Variants in DHRSX observed in about 807,000 individuals in gnomAD.
DHRSX encodes the protein dehydrogenase/reductase X-linked.
In DHRSX, 31 loss-of-function variants were observed where a neutral mutation model predicts 34.0. That is an observed-to-expected ratio of 0.91 (90% CI 0.69 to 1.23). DHRSX has a LOEUF of 1.23. DHRSX is among the 50% of genes most tolerant of loss of function. The probability of loss-of-function intolerance (pLI) is 0.00; values close to 1 mark genes in which losing one functional copy is unlikely to be tolerated. For missense variants in DHRSX, 414 were observed against 428.1 expected, an observed-to-expected ratio of 0.97 and a Z score of 0.29; for synonymous variants, 201 against 183.8, an observed-to-expected ratio of 1.09 and a Z score of -0.76.
At position 2,454,853 on chromosome X, in the gene DHRSX, C is replaced by A. The variant is rs904004322; in HGVS notation, c.110-29549G>T. Among the ~76,000 whole-genome samples the A allele has an allele frequency of 5.9e-5, 9 of 152,072 alleles. 1 individual carries two copies. Among genetic ancestry groups the A allele is most frequent in the Admixed American group, 5.2e-4 (8 of 15,242 alleles). On this transcript the variant is annotated intron_variant, in intron 1 of 6. Transcript: ENST00000334651. ...ATTGGTTGGGCGTGGTGGCTCACGC[C>A]TGTAATCTCAGAAATTTGGGAGGCC...
intron 3 of DHRSX, among the ~76,000 whole-genome samples, chrX:2,402,421 G>A (rs1965467294): frequency 6.6e-6 from 1 of 152,230 alleles, no homozygotes; most frequent in African/African-American, 2.4e-5. Context: ...GGAGGGAAGG[G>A]ATGCCTGTAG....
intron 1 of DHRSX, among the ~76,000 whole-genome samples, chrX:2,496,137 T>TTA (rs2045278478): frequency 6.6e-6 from 1 of 152,252 alleles, no homozygotes; most frequent in South Asian, 2.1e-4. Flanking sequence ...TGGCGATAGT[T>TTA]AATAGTGTAT....
intron 1 of DHRSX, among the ~76,000 whole-genome samples, chrX:2,484,336 G>A (rs1428684049): frequency 2.6e-5 from 4 of 152,090 alleles, no homozygotes; most frequent in East Asian, 1.9e-4. Context: ...CATGGTCCGC[G>A]GAGCCAAAAA....
intron 1 of DHRSX, among the ~76,000 whole-genome samples, chrX:2,477,064 T>C (rs1364792594): frequency 6.6e-6 from 1 of 152,164 alleles, no homozygotes; most frequent in Non-Finnish European, 1.5e-5. Context: ...TTTTACTAAA[T>C]TTTTTGTAAG....
intron 5 of DHRSX, 39 bp from the exon 6 acceptor site, chrX:2,243,269 C>A (rs187338735): frequency 6.4e-7 from 1 of 1,574,746 alleles, no homozygotes; most frequent in South Asian, 1.1e-5. Context: ...AGGCTGACGG[C>A]GTTCACGCCT....
At chrX:2,419,674 T>C (rs1278155287) in intron 2 of DHRSX, among the ~76,000 whole-genome samples, 1 of 151,754 alleles carries the variant, frequency 6.6e-6, no homozygotes, top group African/African-American at 2.4e-5. Context: ...CGTAGGGACA[T>C]GGATGAAGCT....
chrX:2,330,673 A>G (rs1432607871), intron 3 of DHRSX, among the ~76,000 whole-genome samples: 6 of 130,324 alleles, frequency 4.6e-5, no homozygotes, highest in South Asian at 4.8e-4. Flanking sequence ...GAAGAAGGAG[A>G]AGGAGGAGGA....
At chrX:2,487,244 A>C (rs545258230) in intron 1 of DHRSX, 3 of 152,362 alleles carry the variant, frequency 2.0e-5, no homozygotes, top group African/African-American at 7.2e-5. Flanking sequence ...AAAGAGAAGA[A>C]TCAAGAGTCC....
At chrX:2,471,762 C>G (rs966832026) in intron 1 of DHRSX, among the ~76,000 whole-genome samples, 1 of 152,070 alleles carries the variant, frequency 6.6e-6, no homozygotes. Flanking sequence ...TCATGCACAT[C>G]GCTTCATCCA....
chrX:2,452,117 A>T (rs2044228461), intron 1 of DHRSX, among the ~76,000 whole-genome samples: 3 of 152,078 alleles, frequency 2.0e-5, no homozygotes, highest in Admixed American at 2.0e-4. Flanking sequence ...TTCACTAAGC[A>T]TACGGCCAAG....
chrX:2,226,223 C>G (rs1169345869), intron 6 of DHRSX, among the ~76,000 whole-genome samples: 1 of 152,144 alleles, frequency 6.6e-6, no homozygotes, highest in African/African-American at 2.4e-5. Context: ...AGCCTCTTTT[C>G]CAGGAAACAG....
At chrX:2,390,269 A>G (rs1374201305) in intron 3 of DHRSX, among the ~76,000 whole-genome samples, 2 of 150,934 alleles carry the variant, frequency 1.3e-5, no homozygotes, top group African/African-American at 4.9e-5. Context: ...CAGCCTCCCA[A>G]ATAGCTGGGA....
Position 2,397,039 on chromosome X carries a change from C to T in DHRSX, c.286+11706G>A, listed in dbSNP as rs190807238. ...TTTAGAGAAAAGGGTCTTGCTCTGT[C>T]GCCCAAGCTAAAGTACAGGGTCGCG... On this transcript the variant is annotated intron_variant, in intron 3 of 6. Transcript: ENST00000334651. Among the ~76,000 whole-genome samples the T allele has an allele frequency of 2.4e-3, 368 of 152,194 alleles. 1 individual carries two copies. The highest frequency in any genetic ancestry group is 8.1e-3 in the African/African-American group (337 of 41,528).
At chrX:2,311,674 G>A (rs766396585) in intron 3 of DHRSX, among the ~76,000 whole-genome samples, 11 of 152,260 alleles carry the variant, frequency 7.2e-5, no homozygotes, top group Admixed American at 1.3e-4. Context: ...TGATGTTGCC[G>A]TGGAAACGCG....
intron 2 of DHRSX, among the ~76,000 whole-genome samples, chrX:2,420,992 A>T (rs1055021814): frequency 2.0e-5 from 3 of 152,214 alleles, no homozygotes; most frequent in Non-Finnish European, 4.4e-5. Context: ...ATCATGTGAA[A>T]CAGTACACAT....
rs760840078 is a variant in DHRSX at position 2,365,297 on chromosome X, G to A, written c.286+43448C>T. 2.3e-3 allele frequency among the ~76,000 whole-genome samples: 349 copies of A among 152,176 alleles called. 1 individual carries two copies. The highest frequency in any genetic ancestry group is 3.7e-3 in the Non-Finnish European group (251 of 68,004). On this transcript the variant is annotated intron_variant, in intron 3 of 6. Transcript: ENST00000334651. The stretch of plus-strand genomic sequence containing the variant: ...TGTGACTACAGGCAGCCACCACCAC[G>A]CCTGGCTGATTTTTGTATTTTTAGT...
chrX:2,352,901 A>G (rs1302250243), intron 3 of DHRSX, among the ~76,000 whole-genome samples: 1 of 152,148 alleles, frequency 6.6e-6, no homozygotes, highest in Non-Finnish European at 1.5e-5. Flanking sequence ...AAAATCTACA[A>G]GAGTCCATCT....
intron 5 of DHRSX, among the ~76,000 whole-genome samples, chrX:2,245,906 G>A (rs1175080458): frequency 2.0e-5 from 3 of 148,346 alleles, no homozygotes; most frequent in Non-Finnish European, 4.4e-5. Flanking sequence ...AGGGTGCAGT[G>A]AGCTGAGATT....
At chrX:2,464,748 T>TACACACTGAAG (rs1284550059) in intron 1 of DHRSX, among the ~76,000 whole-genome samples, 2 of 147,142 alleles carry the variant, frequency 1.4e-5, no homozygotes, top group Non-Finnish European at 3.0e-5. Flanking sequence ...CGCCACCTTA[T>TACACACTGAAG]ACACACTGAA....
Sources: allele counts gnomAD v4.1 joint callset (sites outside exome capture counted in the v4.1 genomes callset), GRCh38; gene constraint gnomAD v4.1.1; transcripts MANE v1.5; gene names NCBI Gene and HGNC (gene_info 2026-07-23, HGNC 2026-07-21).